SHROOM4: variants seen among roughly 807,000 people sequenced by gnomAD.
The protein encoded by SHROOM4 is shroom family member 4, also known as protein Shroom4.
Under a neutral mutation model 80.3 loss-of-function variants are expected in SHROOM4, and 17 were observed. That is an observed-to-expected ratio of 0.21 (90% CI 0.14 to 0.32). The LOEUF (loss-of-function observed/expected upper bound fraction) is 0.32, where lower values mean the gene tolerates loss of function less well. Among genes scored for constraint, SHROOM4 ranks in the 10% least tolerant of loss-of-function variants. SHROOM4 has a pLI of 1.00. For missense variants in SHROOM4, 993 were observed against 1,140.3 expected (o/e 0.87, Z 1.86); for synonymous variants, 400 against 437.5 (o/e 0.91, Z 1.07).
chrX:50,729,735 C>T (rs1308413031), intron 1 of SHROOM4, among the ~76,000 whole-genome samples: 1 of 111,003 alleles, frequency 9.0e-6, no homozygotes, highest in Non-Finnish European at 1.9e-5. Context: ...ATCTTGAGAG[C>T]ATCAAGCAAA....
At chrX:50,789,745 T>C (rs1310240645) in intron 1 of SHROOM4, among the ~76,000 whole-genome samples, 2 of 112,455 alleles carry the variant, frequency 1.8e-5, no homozygotes, top group East Asian at 2.8e-4. Context: ...GACAAACCTT[T>C]GGCTAGGCCA....
chrX:50,757,614 G>T (rs1401310377), intron 1 of SHROOM4, among the ~76,000 whole-genome samples: 1 of 111,557 alleles, frequency 9.0e-6, no homozygotes, highest in African/African-American at 3.3e-5. Flanking sequence ...CTTGAGGTCA[G>T]GATATCGAGA....
chrX:50,665,223 C>G (rs1932653362), intron 2 of SHROOM4, among the ~76,000 whole-genome samples: 1 of 110,875 alleles, frequency 9.0e-6, no homozygotes, highest in African/African-American at 3.3e-5. Flanking sequence ...CAGACCCACA[C>G]CTAGAACCTT....
At chrX:50,760,406 T>C (rs1439670528) in intron 1 of SHROOM4, among the ~76,000 whole-genome samples, 1 of 105,798 alleles carries the variant, frequency 9.5e-6, no homozygotes, top group African/African-American at 3.4e-5. Context: ...GGTACAATCA[T>C]AGCTCACTGC....
chrX:50,778,323 C>T (rs1464479073), intron 1 of SHROOM4, among the ~76,000 whole-genome samples: 1 of 112,235 alleles, frequency 8.9e-6, no homozygotes, highest in Admixed American at 9.4e-5. Context: ...CACTGCATTA[C>T]GTAGTAGACC....
chrX:50,689,118 A>C (rs1557262487), intron 2 of SHROOM4, among the ~76,000 whole-genome samples: 1 of 111,793 alleles, frequency 8.9e-6, no homozygotes. Flanking sequence ...TAAATGTTTG[A>C]GATAATAGAT....
chrX:50,699,474 T>C (rs781877627), intron 1 of SHROOM4, among the ~76,000 whole-genome samples: 2 of 112,276 alleles, frequency 1.8e-5, no homozygotes, highest in South Asian at 7.5e-4. Flanking sequence ...ATCCTTCTGC[T>C]GACACAGATA....
chrX:50,781,512 T>A lies in SHROOM4; in HGVS notation c.117+32390A>T, dbSNP rs1242947391. Among the ~76,000 whole-genome samples the A allele has an allele frequency of 1.5e-4, 17 of 110,627 alleles. No homozygotes were observed. The East Asian group carries it at 4.9e-3, about 32-fold the overall frequency. ...CTATTCCAGATACAGACTCAGAGGC[T>A]TAGCAGGGACAATTATAAGATAATT... On this transcript the variant is annotated intron_variant, in intron 1 of 8. Coordinates refer to ENST00000376020, the MANE Select transcript of SHROOM4 (RefSeq NM_020717.5).
At chrX:50,663,953 A>G (rs1203008650) in intron 2 of SHROOM4, among the ~76,000 whole-genome samples, 1 of 112,280 alleles carries the variant, frequency 8.9e-6, no homozygotes, top group African/African-American at 3.2e-5. Flanking sequence ...TATTTGTTAA[A>G]TCAATGAAAT....
chrX:50,766,385 G>A lies in SHROOM4; in HGVS notation c.117+47517C>T, dbSNP rs918558348. 4.5e-5 allele frequency among the ~76,000 whole-genome samples: 5 copies of A among 111,282 alleles called. No individual in the cohort carries two copies. The Admixed American group carries it at 4.8e-4, about 11-fold the overall frequency. Reference sequence around the variant, plus strand: ...ACACACAGGATCACAGTCTTAAAGAGCATGAACTTTGCCTCATTTAAAAAA... The same window carrying A: ...ACACACAGGATCACAGTCTTAAAGAACATGAACTTTGCCTCATTTAAAAAA... On this transcript the variant is annotated intron_variant, in intron 1 of 8. Coordinates refer to ENST00000376020, the MANE Select transcript of SHROOM4 (RefSeq NM_020717.5).
intron 2 of SHROOM4, among the ~76,000 whole-genome samples, chrX:50,652,647 A>G (rs1210367939): frequency 8.9e-6 from 1 of 112,118 alleles, no homozygotes; most frequent in Non-Finnish European, 1.9e-5. Context: ...GTCTTTGCCC[A>G]TGGCTATGTC....
intron 1 of SHROOM4, among the ~76,000 whole-genome samples, chrX:50,792,190 C>T (rs1179289178): frequency 2.9e-4 from 32 of 111,885 alleles, no homozygotes; most frequent in Admixed American, 5.7e-4. Context: ...GCACAACTAA[C>T]GAATCTTTTA....
intron 2 of SHROOM4, among the ~76,000 whole-genome samples, chrX:50,689,449 G>T (rs986335753): frequency 8.9e-6 from 1 of 111,930 alleles, no homozygotes. Flanking sequence ...AAGTAATACA[G>T]TACCCTAAGA....
intron 2 of SHROOM4, among the ~76,000 whole-genome samples, chrX:50,667,676 TA>T (rs1413389770): frequency 4.5e-5 from 5 of 110,627 alleles, no homozygotes; most frequent in Non-Finnish European, 7.6e-5. Flanking sequence ...AACTTAGGAG[TA>T]AAAAAAATCT....
At chrX:50,642,967 C>T (rs782372328) in intron 2 of SHROOM4, among the ~76,000 whole-genome samples, 6 of 111,686 alleles carry the variant, frequency 5.4e-5, no homozygotes, top group Non-Finnish European at 1.1e-4. Context: ...TTTCCCATAG[C>T]AATTCCCTCA....
chrX:50,699,849 A>G (rs1557263401), intron 1 of SHROOM4, among the ~76,000 whole-genome samples: 1 of 112,380 alleles, frequency 8.9e-6, no homozygotes, highest in Non-Finnish European at 1.9e-5. Flanking sequence ...ATACTAACAG[A>G]TACTTGCTTG....
intron 1 of SHROOM4, among the ~76,000 whole-genome samples, chrX:50,794,647 T>TACACACACACACAC (rs55726150): frequency 4.1e-5 from 4 of 97,195 alleles, no homozygotes; most frequent in Admixed American, 2.4e-4. Flanking sequence ...CACACACACA[T>TACACACACACACAC]ACACACACAC....
At chrX:50,614,472 A>G (rs782278500) in intron 5 of SHROOM4, among the ~76,000 whole-genome samples, 1 of 112,821 alleles carries the variant, frequency 8.9e-6, no homozygotes, top group African/African-American at 3.2e-5. Flanking sequence ...TATAGTTCAC[A>G]GAAAATGACT....
At chrX:50,807,629 G>A (rs906903580) in intron 1 of SHROOM4, among the ~76,000 whole-genome samples, 1 of 111,790 alleles carries the variant, frequency 8.9e-6, no homozygotes, top group South Asian at 3.7e-4. Context: ...TTCCTTCTCT[G>A]TAACTTAATA....
Sources: allele counts gnomAD v4.1 joint callset (sites outside exome capture counted in the v4.1 genomes callset), GRCh38; gene constraint gnomAD v4.1.1; transcripts MANE v1.5; gene names NCBI Gene and HGNC (gene_info 2026-07-23, HGNC 2026-07-21).